PARP15: variants seen among roughly 807,000 people sequenced by gnomAD.
PARP15 encodes poly(ADP-ribose) polymerase family member 15.
Under a neutral mutation model 62.1 loss-of-function variants are expected in PARP15, and 50 were observed. That is an observed-to-expected ratio of 0.81 (90% CI 0.64 to 1.02). The LOEUF (loss-of-function observed/expected upper bound fraction) is 1.02, where lower values mean the gene tolerates loss of function less well. Ranked by LOEUF, PARP15 falls within the 50% of genes least tolerant of loss-of-function variation. The pLI is 0.00. For missense variants in PARP15, 820 were observed against 826.5 expected, an observed-to-expected ratio of 0.99 and a Z score of 0.10; for synonymous variants, 309 against 293.1, an observed-to-expected ratio of 1.05 and a Z score of -0.55.
At chr3:122,599,541 T>TC (rs369674378) in intron 1 of PARP15, among the ~76,000 whole-genome samples, 1 of 150,328 alleles carries the variant, frequency 6.7e-6, no homozygotes, top group African/African-American at 2.4e-5. Flanking sequence ...TCCTTTCCTT[T>TC]CTCTCTCTTT....
At chr3:122,595,529 T>C (rs1245460434) in intron 1 of PARP15, among the ~76,000 whole-genome samples, 2 of 152,196 alleles carry the variant, frequency 1.3e-5, no homozygotes, top group African/African-American at 2.4e-5. Context: ...TTTTCGGTTT[T>C]GTCCTACCTC....
At chr3:122,615,574 C>A (rs945932543) in intron 4 of PARP15, 39 of 1,240,754 alleles carry the variant, frequency 3.1e-5, no homozygotes, top group Non-Finnish European at 4.3e-5. Flanking sequence ...TTAGTTTACT[C>A]ACAAAGTAAA....
chr3:122,600,119 T>C (rs994832872), intron 1 of PARP15, among the ~76,000 whole-genome samples: 4 of 152,220 alleles, frequency 2.6e-5, no homozygotes, highest in Non-Finnish European at 5.9e-5. Context: ...TATTAAATGT[T>C]ATTTAAGTAT....
At chr3:122,593,120 C>CTATCTATCTATG (rs373898846) in intron 1 of PARP15, among the ~76,000 whole-genome samples, 232 of 30,630 alleles carry the variant, frequency 7.6e-3, no homozygotes, top group African/African-American at 9.5e-3. Context: ...ATCTATCTAT[C>CTATCTATCTATG]TATGTATCTA....
Position 122,626,841 on chromosome 3 carries a change from A to C in PARP15, c.1246A>C (p.Asn416His). ...TTTTTTTTCAGGAAATGCCGGAAAA[A>C]ACCCTATCACAGTTGCTGATAACAT... ...PAIGTGNAGKNPITVADNIID... is the reference protein window; with the variant it reads ...PAIGTGNAGKHPITVADNIID... Residue 416 changes from asparagine to histidine, a missense_variant, in exon 9 of 12, where the codon AAC (asparagine) becomes CAC (histidine). Transcript: ENST00000464300. 6.2e-7 allele frequency: 1 copy of C among 1,606,108 alleles called. No homozygotes were observed. Among genetic ancestry groups the C allele is most frequent in the South Asian group, 1.1e-5 (1 of 88,492 alleles).
At chr3:122,587,298 T>G (rs1384797941) in intron 1 of PARP15, among the ~76,000 whole-genome samples, 2 of 152,248 alleles carry the variant, frequency 1.3e-5, no homozygotes, top group Non-Finnish European at 2.9e-5. Flanking sequence ...TGTCAAGTCA[T>G]TTGGGTAAAT....
intron 9 of PARP15, 36 bp downstream of exon 9, chr3:122,627,069 C>A: frequency 1.3e-6 from 2 of 1,499,016 alleles, no homozygotes; most frequent in Non-Finnish European, 1.8e-6. Context: ...ACCCTGCTGG[C>A]TCTGATAATC....
In PARP15 at chr3:122,612,518, G is replaced by A. The variant is rs561051484; in HGVS notation, c.544-523G>A. On this transcript the variant is annotated intron_variant, in intron 3 of 11. Coordinates refer to ENST00000464300, the MANE Select transcript of PARP15 (RefSeq NM_001113523.3). ...GTGGCGCAATCTTGGCTCACTGCAA[G>A]CTCCGCCTGCCAGGTTCACGCCATT... 5.3e-5 allele frequency among the ~76,000 whole-genome samples: 8 copies of A among 151,560 alleles called. No individual in the cohort carries two copies. The South Asian group carries it at 8.4e-4, about 16-fold the overall frequency.
chr3:122,617,362 G>A (rs924310330), intron 6 of PARP15, among the ~76,000 whole-genome samples, 198 bp downstream of exon 6: 2 of 152,166 alleles, frequency 1.3e-5, no homozygotes, highest in African/African-American at 4.8e-5. Context: ...ACCTCTCTGA[G>A]TGTCAGTTTC....
intron 1 of PARP15, among the ~76,000 whole-genome samples, chr3:122,589,776 C>A (rs765505512): frequency 6.6e-6 from 1 of 151,428 alleles, no homozygotes; most frequent in Non-Finnish European, 1.5e-5. Flanking sequence ...AGGTACAAGT[C>A]TTATTGGCTA....
intron 4 of PARP15, chr3:122,615,198 G>A (rs1458806306): frequency 4.0e-6 from 5 of 1,253,056 alleles, no homozygotes; most frequent in South Asian, 3.9e-5. Flanking sequence ...TCACTCACAC[G>A]ACCAAAATGC....
intron 3 of PARP15, among the ~76,000 whole-genome samples, chr3:122,611,398 A>G (rs115870264): frequency 0.016 from 2,324 of 149,218 alleles, 59 homozygotes; most frequent in African/African-American, 0.052. Flanking sequence ...GTGGGGCGCC[A>G]TCTCAGCTCA....
At chr3:122,633,181 C>T (rs551890635) in intron 10 of PARP15, among the ~76,000 whole-genome samples, 16 of 152,216 alleles carry the variant, frequency 1.1e-4, no homozygotes, top group Non-Finnish European at 1.9e-4. Flanking sequence ...GGCTCCCCGA[C>T]TAGACAGTGA....
chr3:122,605,985 T>C lies in PARP15; in HGVS notation c.236T>C (p.Val79Ala). The change falls in exon 2 of 12, where the codon GTT (valine) becomes GCT (alanine). Residue 79 changes from valine (V) to alanine (A), a missense_variant. By Grantham distance (64) the Val-to-Ala change is moderately conservative (BLOSUM62 0). Transcript: ENST00000464300. ...AAAGATTGTCTTTCAATCAGGAATGTTGTAGCTTCAATCCAAACCAAAGAA... is the reference window on the plus strand; with the variant it reads ...AAAGATTGTCTTTCAATCAGGAATGCTGTAGCTTCAATCCAAACCAAAGAA... ...SKKDCLSIRN[V>A]VASIQTKEGL... is the part of the protein sequence containing the mutation. The C allele has an allele frequency of 6.4e-7, 1 of 1,551,914 alleles. No individual in the cohort carries two copies. Among genetic ancestry groups the C allele is most frequent in the Non-Finnish European group, 8.7e-7 (1 of 1,146,944 alleles).
intron 1 of PARP15, among the ~76,000 whole-genome samples, chr3:122,583,451 A>T (rs1043713107): frequency 6.6e-6 from 1 of 151,788 alleles, no homozygotes; most frequent in African/African-American, 2.4e-5. Flanking sequence ...ATTAGTTTCA[A>T]TTGATTTATT....
At chr3:122,614,006 C>T (rs1252006512) in intron 4 of PARP15, among the ~76,000 whole-genome samples, 8 of 151,764 alleles carry the variant, frequency 5.3e-5, no homozygotes, top group Admixed American at 1.3e-4. Context: ...CTACCACGCT[C>T]GGCTAATTTT....
intron 1 of PARP15, among the ~76,000 whole-genome samples, chr3:122,582,583 T>G (rs1456693292): frequency 4.6e-5 from 7 of 152,248 alleles, no homozygotes; most frequent in Non-Finnish European, 7.3e-5. Context: ...TACCCTTCTG[T>G]GTGTAATTCT....
chr3:122,581,914 T>G (rs940122030), intron 1 of PARP15, among the ~76,000 whole-genome samples: 7 of 152,216 alleles, frequency 4.6e-5, no homozygotes, highest in African/African-American at 1.7e-4. Flanking sequence ...GTAATATGTT[T>G]TGAAATCAGG....
At chr3:122,619,662 G>C (rs1325351980) in intron 6 of PARP15, 119 bp from the exon 7 acceptor site, 1 of 831,260 alleles carries the variant, frequency 1.2e-6, no homozygotes, top group Non-Finnish European at 2.1e-6. Context: ...GGTCGGGCGT[G>C]GGGGTGGTCA....
Sources: gnomAD v4.1 joint callset for allele counts (sites outside exome capture counted in the v4.1 genomes callset) on GRCh38, gnomAD v4.1.1 for gene constraint, MANE v1.5 for transcripts, NCBI Gene and HGNC (gene_info 2026-07-23, HGNC 2026-07-21) for gene names.